Variants in NEK11 observed in about 807,000 individuals in gnomAD.
NEK11 encodes the protein NIMA related kinase 11.
In NEK11, 72 loss-of-function variants were observed where a neutral mutation model predicts 80.7. The observed-to-expected ratio is 0.89, with a 90% CI of 0.74 to 1.08. The LOEUF (loss-of-function observed/expected upper bound fraction) is 1.08, where lower values mean the gene tolerates loss of function less well. Among genes scored for constraint, NEK11 ranks in the 50% least tolerant of loss-of-function variants. NEK11 has a pLI of 0.00. For synonymous variants in NEK11, 251 were observed against 260.7 expected (o/e 0.96, Z 0.36); for missense variants, 764 against 763.6 (o/e 1.00, Z -0.01).
At chr3:131,232,634 A>G (rs1458111763) in intron 15 of NEK11, among the ~76,000 whole-genome samples, 1 of 152,204 alleles carries the variant, frequency 6.6e-6, no homozygotes, top group Non-Finnish European at 1.5e-5. Flanking sequence ...TGAAATTCTT[A>G]GGAAAAACAA....
chr3:131,298,944 G>A, intron 17 of NEK11, among the ~76,000 whole-genome samples: 1 of 126,550 alleles, frequency 7.9e-6, no homozygotes, highest in East Asian at 2.3e-4. Flanking sequence ...TTTTTTTTCA[G>A]TCTGTGTTCT....
Position 131,168,830 on chromosome 3 carries a change from G to C in NEK11, c.1177G>C (p.Glu393Gln). The C allele has an allele frequency of 6.2e-7, 1 of 1,611,148 alleles. No homozygotes were observed. Among genetic ancestry groups the C allele is most frequent in the South Asian group, 1.1e-5 (1 of 90,766 alleles). The change falls in exon 13 of 18, where the codon GAA becomes CAA. Residue 393 changes from glutamate (E) to glutamine (Q), a missense_variant and splice_region_variant. Glu to Gln is a conservative substitution (Grantham distance 29, BLOSUM62 2). Transcript: ENST00000383366. ...FQQLSVDVLH[E>Q]KTHLKGMEEK... ...ACAGACTTTGTCATAATCTCTTTAG[G>C]AAAAAACACATTTAAAAGGAATGGA...
intron 14 of NEK11, among the ~76,000 whole-genome samples, chr3:131,182,885 C>T (rs1560839103): frequency 6.6e-6 from 1 of 152,196 alleles, no homozygotes. Flanking sequence ...GACCTGTTTT[C>T]TTGGCTTCAA....
At chr3:131,145,822 A>T (rs528331558) in intron 7 of NEK11, among the ~76,000 whole-genome samples, 69 of 152,270 alleles carry the variant, frequency 4.5e-4, no homozygotes, top group Non-Finnish European at 7.9e-4. Context: ...CATCTGAAAA[A>T]TGGGAATAAT....
intron 5 of NEK11, among the ~76,000 whole-genome samples, chr3:131,124,389 C>G (rs2082926305): frequency 1.3e-5 from 2 of 152,216 alleles, no homozygotes; most frequent in African/African-American, 4.8e-5. Context: ...CAAATAATTT[C>G]TGTCCAGTAG....
At chr3:131,175,823 G>A (rs1560800955) in intron 14 of NEK11, among the ~76,000 whole-genome samples, 2 of 152,150 alleles carry the variant, frequency 1.3e-5, no homozygotes, top group Admixed American at 6.5e-5. Context: ...ACAATGTAAT[G>A]CTTAGCTGTC....
chr3:131,174,755 T>G (rs1262424547), intron 14 of NEK11: 3 of 1,607,038 alleles, frequency 1.9e-6, no homozygotes, highest in African/African-American at 1.3e-5. Flanking sequence ...TGTTTTATAT[T>G]TTATTTTTTA....
At chr3:131,267,306 T>G (rs2096077517) in intron 16 of NEK11, among the ~76,000 whole-genome samples, 1 of 152,254 alleles carries the variant, frequency 6.6e-6, no homozygotes, top group African/African-American at 2.4e-5. Context: ...CAATTTAGCA[T>G]GTTTTTGCAG....
rs377491572 is a variant in NEK11, at chr3:131,109,964, A to C, written c.455+43A>C. ...TGGGGGAGCATGATATATTTTTAAC[A>C]GTCATGTTTGAACTTGAAAAGTGAA... On this transcript the variant is annotated intron_variant, in intron 5 of 17. Coordinates refer to ENST00000383366, the MANE Select transcript of NEK11 (RefSeq NM_024800.5). 7 of 1,545,614 alleles carry C rather than the reference A, an allele frequency of 4.5e-6. No individual in the cohort carries two copies. In the African/African-American group the frequency reaches 9.9e-5, roughly 22 times the overall value.
chr3:131,316,739 A>G (rs1196024283), intron 17 of NEK11, among the ~76,000 whole-genome samples: 2 of 152,184 alleles, frequency 1.3e-5, no homozygotes, highest in Non-Finnish European at 2.9e-5. Context: ...CCAGCATCCA[A>G]CACTGTCTGG....
At chr3:131,270,210 CA>C (rs1266072442) in intron 16 of NEK11, among the ~76,000 whole-genome samples, 2 of 152,114 alleles carry the variant, frequency 1.3e-5, no homozygotes, top group South Asian at 2.1e-4. Flanking sequence ...ACAGACCCCC[CA>C]AAAAACAGCT....
intron 3 of NEK11, among the ~76,000 whole-genome samples, chr3:131,071,930 T>A (rs537934982): frequency 6.6e-6 from 1 of 152,236 alleles, no homozygotes; most frequent in Non-Finnish European, 1.5e-5. Flanking sequence ...TTATACAGCA[T>A]AGCTATACCT....
chr3:131,039,311 A>G (rs1363650036), intron 3 of NEK11, among the ~76,000 whole-genome samples: 1 of 152,226 alleles, frequency 6.6e-6, no homozygotes, highest in South Asian at 2.1e-4. Flanking sequence ...ATATTAGAAT[A>G]TTCAGTCAGC....
At chr3:131,248,681 C>T (rs1462088054) in intron 16 of NEK11, among the ~76,000 whole-genome samples, 2 of 152,122 alleles carry the variant, frequency 1.3e-5, no homozygotes, top group Non-Finnish European at 2.9e-5. Context: ...CAGTTGTTGG[C>T]ATGCAGGCTG....
intron 17 of NEK11, among the ~76,000 whole-genome samples, chr3:131,339,156 G>T (rs959374720): frequency 1.3e-5 from 2 of 152,096 alleles, no homozygotes; most frequent in African/African-American, 4.8e-5. Context: ...CCCTTAAAAA[G>T]AATTTGCTTA....
chr3:131,174,637 G>A, intron 14 of NEK11: 1 of 982,130 alleles, frequency 1.0e-6, no homozygotes, highest in South Asian at 1.7e-5. Context: ...AAATGAGAAA[G>A]TACAACTGGA....
chr3:131,098,944 T>C (rs2077929259), intron 4 of NEK11, among the ~76,000 whole-genome samples: 1 of 152,228 alleles, frequency 6.6e-6, no homozygotes, highest in East Asian at 1.9e-4. Flanking sequence ...TTTACTCTGT[T>C]GATAGTTTCT....
At chr3:131,129,052 C>CTTTTTTTTTTTTT (rs759751535) in intron 5 of NEK11, among the ~76,000 whole-genome samples, 1 of 109,550 alleles carries the variant, frequency 9.1e-6, no homozygotes, top group African/African-American at 3.6e-5. Flanking sequence ...GGATAACAGT[C>CTTTTTTTTTTTTT]TTTTTTTTTT....
intron 3 of NEK11, among the ~76,000 whole-genome samples, chr3:131,068,973 G>A (rs1412020030): frequency 1.3e-5 from 2 of 152,064 alleles, no homozygotes; most frequent in African/African-American, 2.4e-5. Flanking sequence ...TTAAAAAGTT[G>A]TAGCTCAAGC....
Sources: gnomAD v4.1 joint callset for allele counts (sites outside exome capture counted in the v4.1 genomes callset) on GRCh38, gnomAD v4.1.1 for gene constraint, MANE v1.5 for transcripts, NCBI Gene and HGNC (gene_info 2026-07-23, HGNC 2026-07-21) for gene names.